Variants in DCDC1 observed in about 807,000 individuals in gnomAD.
The protein encoded by DCDC1 is doublecortin domain containing 1.
DCDC1 carries 200 observed loss-of-function variants against 178.3 expected under a neutral mutation model. The ratio of observed to expected loss-of-function variants is 1.12; its 90% CI spans 1.00 to 1.26. The LOEUF (loss-of-function observed/expected upper bound fraction) is 1.26, where lower values mean the gene tolerates loss of function less well. Ranked by LOEUF, DCDC1 falls within the 50% of genes most tolerant of loss-of-function variation. The pLI, the probability that DCDC1 is intolerant of heterozygous loss-of-function variation, is 0.00. For synonymous variants in DCDC1, 690 were observed against 604.8 expected (o/e 1.14, Z -2.07); for missense variants, 1,983 against 1,749.2 (o/e 1.13, Z -2.38).
chr11:31,175,794 G>A (rs967462293), intron 9 of DCDC1, among the ~76,000 whole-genome samples: 4 of 152,308 alleles, frequency 2.6e-5, no homozygotes, highest in African/African-American at 7.2e-5. Context: ...CACAGATATT[G>A]TTGACAAGGA....
At chr11:31,289,994 A>G (rs1237842305) in intron 7 of DCDC1, among the ~76,000 whole-genome samples, 1 of 152,046 alleles carries the variant, frequency 6.6e-6, no homozygotes, top group Admixed American at 6.6e-5. Flanking sequence ...CTGTAAAAAA[A>G]TGTATGTGTG....
At chr11:31,309,304 G>A (rs1368825000) in intron 3 of DCDC1, among the ~76,000 whole-genome samples, 3 of 151,948 alleles carry the variant, frequency 2.0e-5, no homozygotes, top group African/African-American at 7.3e-5. Flanking sequence ...GGGGAGAGGA[G>A]CAGCCTTCCC....
At chr11:30,888,551 C>T (rs1943511568) in intron 36 of DCDC1, among the ~76,000 whole-genome samples, 1 of 152,096 alleles carries the variant, frequency 6.6e-6, no homozygotes, top group South Asian at 2.1e-4. Flanking sequence ...AACCCCATCT[C>T]TACTAAAAAT....
At chr11:31,069,796 T>C (rs1956447279) in intron 18 of DCDC1, among the ~76,000 whole-genome samples, 1 of 152,108 alleles carries the variant, frequency 6.6e-6, no homozygotes, top group African/African-American at 2.4e-5. Context: ...CCCCTAATAC[T>C]AGAAAGAAGA....
intron 7 of DCDC1, among the ~76,000 whole-genome samples, chr11:31,278,524 G>C (rs1946159756): frequency 6.6e-6 from 1 of 152,084 alleles, no homozygotes. Flanking sequence ...GGAGTGGGAG[G>C]ACTGGGAAGA....
At chr11:31,024,670 C>T (rs1481112668) in intron 20 of DCDC1, among the ~76,000 whole-genome samples, 3 of 151,798 alleles carry the variant, frequency 2.0e-5, no homozygotes, top group African/African-American at 7.2e-5. Context: ...TTCATTCTGT[C>T]CTTTCCAAAT....
At chr11:31,021,017 T>C (rs1325234581) in intron 20 of DCDC1, among the ~76,000 whole-genome samples, 1 of 152,192 alleles carries the variant, frequency 6.6e-6, no homozygotes, top group Non-Finnish European at 1.5e-5. Context: ...CTTAAAATAA[T>C]TGCAAGGACA....
Position 30,881,335 on chromosome 11 carries a change from T to C in DCDC1, c.5083-27A>G, listed in dbSNP as rs374793604. On this transcript the variant is annotated intron_variant, in intron 36 of 38. Coordinates refer to ENST00000684477, the MANE Select transcript of DCDC1 (RefSeq NM_001387274.1). ...TGAGACACAGAGGGACAGCCACATT[T>C]GAATACGGAATGGCACAATATGATC... The C allele has an allele frequency of 2.0e-5, 33 of 1,610,716 alleles. 1 individual carries two copies. The highest frequency in any genetic ancestry group is 2.5e-5 in the Non-Finnish European group (30 of 1,178,454).
chr11:31,213,903 T>G (rs1011108252), intron 9 of DCDC1, among the ~76,000 whole-genome samples: 3 of 152,040 alleles, frequency 2.0e-5, no homozygotes, highest in African/African-American at 7.3e-5. Flanking sequence ...GTTGAGTGTG[T>G]ACACATGTAC....
chr11:31,076,907 G>T (rs1956898282), intron 18 of DCDC1, among the ~76,000 whole-genome samples: 1 of 152,006 alleles, frequency 6.6e-6, no homozygotes, highest in Admixed American at 6.6e-5. Flanking sequence ...CTCCCATATT[G>T]GGTATTCACT....
chr11:31,001,365 T>A (rs1308029592), intron 20 of DCDC1, among the ~76,000 whole-genome samples: 1 of 151,740 alleles, frequency 6.6e-6, no homozygotes, highest in African/African-American at 2.4e-5. Flanking sequence ...AAAAAAAAAA[T>A]AATATGTCCT....
At chr11:31,184,915 AC>A (rs1969285483) in intron 9 of DCDC1, among the ~76,000 whole-genome samples, 1 of 152,226 alleles carries the variant, frequency 6.6e-6, no homozygotes, top group Admixed American at 6.5e-5. Flanking sequence ...CTGGGTATAT[AC>A]CCAAAGGTTT....
intron 3 of DCDC1, among the ~76,000 whole-genome samples, chr11:31,309,431 T>G (rs186911083): frequency 5.1e-4 from 78 of 152,232 alleles, no homozygotes; most frequent in Admixed American, 2.2e-3. Context: ...ACTCAGATTT[T>G]GATAACGGTG....
intron 20 of DCDC1, among the ~76,000 whole-genome samples, chr11:30,977,429 C>T (rs1299368083): frequency 6.6e-6 from 1 of 152,174 alleles, no homozygotes; most frequent in African/African-American, 2.4e-5. Flanking sequence ...AATAAAATCA[C>T]ATGTACTTCA....
intron 1 of DCDC1, among the ~76,000 whole-genome samples, chr11:31,340,192 G>T (rs150385975): frequency 6.6e-6 from 1 of 151,428 alleles, no homozygotes; most frequent in Non-Finnish European, 1.5e-5. Context: ...TGCCTAAAAG[G>T]CCTTTAAGTT....
intron 9 of DCDC1, among the ~76,000 whole-genome samples, chr11:31,240,350 A>G (rs941764424): frequency 6.6e-6 from 1 of 151,992 alleles, no homozygotes; most frequent in Admixed American, 6.6e-5. Flanking sequence ...GATAATTATA[A>G]TCCTGTTTCT....
intron 17 of DCDC1, among the ~76,000 whole-genome samples, chr11:31,083,896 AATATCAAT>A (rs1957334040): frequency 6.6e-6 from 1 of 152,212 alleles, no homozygotes. Flanking sequence ...AAAATGAAGC[AATATCAAT>A]ATTGAATGGT....
At chr11:31,260,463 C>T (rs918831548) in intron 8 of DCDC1, among the ~76,000 whole-genome samples, 5 of 152,084 alleles carry the variant, frequency 3.3e-5, no homozygotes, top group Non-Finnish European at 7.4e-5. Context: ...AGAGAATATA[C>T]AAATATTTTG....
intron 20 of DCDC1, among the ~76,000 whole-genome samples, chr11:30,953,863 A>G (rs1948585773): frequency 6.6e-6 from 1 of 152,110 alleles, no homozygotes; most frequent in Admixed American, 6.6e-5. Flanking sequence ...TAAAAAATAT[A>G]ATAGCAAATC....
Sources: allele counts gnomAD v4.1 joint callset (sites outside exome capture counted in the v4.1 genomes callset), GRCh38; gene constraint gnomAD v4.1.1; transcripts MANE v1.5; gene names NCBI Gene and HGNC (gene_info 2026-07-23, HGNC 2026-07-21).